The following TAS2R1 variants were observed in gnomAD, a reference collection of about 807,000 sequenced individuals.
The protein encoded by TAS2R1 is taste 2 receptor member 1.
For synonymous variants in TAS2R1, 141 were observed against 134.2 expected (o/e 1.05, Z -0.35); for missense variants, 370 against 353.4 (o/e 1.05, Z -0.38).
At chr5:9,711,762 T>C (rs1316104037) in intron 1 of TAS2R1, among the ~76,000 whole-genome samples, 1 of 152,064 alleles carries the variant, frequency 6.6e-6, no homozygotes, top group Admixed American at 6.6e-5. Context: ...TCCCAGGTTT[T>C]AGAGATTCTC....
the TAS2R1 span, among the ~76,000 whole-genome samples, chr5:9,780,904 C>T: frequency 1.3e-5 from 2 of 152,170 alleles, no homozygotes; most frequent in African/African-American, 4.8e-5. Context: ...TCCCAGAAAA[C>T]AATGAATTCT....
the TAS2R1 span, among the ~76,000 whole-genome samples, chr5:9,901,982 G>T: frequency 2.6e-5 from 4 of 152,038 alleles, no homozygotes; most frequent in Non-Finnish European, 4.4e-5. Flanking sequence ...TAGTGGACTC[G>T]CTGGACTGCA....
chr5:9,817,161 GGAA>G, the TAS2R1 span, among the ~76,000 whole-genome samples: 1 of 152,122 alleles, frequency 6.6e-6, no homozygotes, highest in South Asian at 2.1e-4. Context: ...ACAAGCCAAA[GGAA>G]CATGTCCGAT....
the TAS2R1 span, among the ~76,000 whole-genome samples, chr5:9,785,186 G>A: frequency 6.6e-6 from 1 of 152,104 alleles, no homozygotes; most frequent in African/African-American, 2.4e-5. Flanking sequence ...GCCATTTGTT[G>A]CTATGTGTAT....
At chr5:9,641,622 A>AC (rs1740087461) in intron 2 of TAS2R1, 1 of 152,140 alleles carries the variant, frequency 6.6e-6, no homozygotes, top group African/African-American at 2.4e-5. Context: ...TGGGGTGAAG[A>AC]CCCCCAAGGA....
At chr5:9,765,610 T>G in the TAS2R1 span, 3 of 152,162 alleles carry the variant, frequency 2.0e-5, no homozygotes, top group Non-Finnish European at 2.9e-5. Flanking sequence ...CACCACCATC[T>G]GGAAGATGCC....
intron 1 of TAS2R1, among the ~76,000 whole-genome samples, chr5:9,665,827 G>C (rs1310192131): frequency 6.6e-6 from 1 of 152,240 alleles, no homozygotes. Context: ...CATAAGGCAG[G>C]AGAGTAAAAG....
the TAS2R1 span, among the ~76,000 whole-genome samples, chr5:9,840,307 T>A: frequency 6.6e-6 from 1 of 152,214 alleles, no homozygotes; most frequent in Non-Finnish European, 1.5e-5. Context: ...CATCCAACCA[T>A]CGAGTTTACA....
chr5:9,694,659 C>T (rs182281521), intron 1 of TAS2R1, among the ~76,000 whole-genome samples: 20 of 152,130 alleles, frequency 1.3e-4, no homozygotes, highest in Non-Finnish European at 2.1e-4. Flanking sequence ...TTAAATCTAC[C>T]GTAACTCATG....
chr5:9,754,467 G>C, the TAS2R1 span, among the ~76,000 whole-genome samples: 21 of 152,322 alleles, frequency 1.4e-4, no homozygotes, highest in Non-Finnish European at 2.4e-4. Context: ...AATTGTCCCT[G>C]TTTGCAGACG....
the TAS2R1 span, among the ~76,000 whole-genome samples, chr5:9,817,437 C>G: frequency 6.6e-6 from 1 of 152,082 alleles, no homozygotes; most frequent in African/African-American, 2.4e-5. Context: ...AAGAACTGAT[C>G]TAGAAAAAAT....
the TAS2R1 span, among the ~76,000 whole-genome samples, chr5:9,874,832 A>G: frequency 6.6e-6 from 1 of 152,156 alleles, no homozygotes; most frequent in South Asian, 2.1e-4. Flanking sequence ...TGTAGACCAC[A>G]TGGTGACCTC....
chr5:9,633,294 T>A (rs1393678762), upstream of TAS2R1, among the ~76,000 whole-genome samples: 5 of 67,798 alleles, frequency 7.4e-5, no homozygotes, highest in African/African-American at 2.1e-4. Flanking sequence ...TGTGTGTATA[T>A]TATATATATA....
chr5:9,817,574 C>A, the TAS2R1 span, among the ~76,000 whole-genome samples: 1 of 152,040 alleles, frequency 6.6e-6, no homozygotes, highest in Non-Finnish European at 1.5e-5. Context: ...CTTGTAAATA[C>A]CCTAAAGATC....
At chr5:9,656,523 G>A (rs2126492278) in intron 2 of TAS2R1, among the ~76,000 whole-genome samples, 1 of 152,262 alleles carries the variant, frequency 6.6e-6, no homozygotes, top group Non-Finnish European at 1.5e-5. Context: ...CTTCCTCAAA[G>A]ACAAGCAGGG....
the TAS2R1 span, among the ~76,000 whole-genome samples, chr5:9,774,997 C>T: frequency 3.3e-5 from 5 of 152,208 alleles, no homozygotes; most frequent in Admixed American, 2.6e-4. Context: ...CAAGCTTAGG[C>T]TTCTGTCCTT....
At chr5:9,798,915 C>T in the TAS2R1 span, among the ~76,000 whole-genome samples, 2 of 152,176 alleles carry the variant, frequency 1.3e-5, no homozygotes, top group African/African-American at 4.8e-5. Context: ...CATCTTCCCA[C>T]ACAAACCCAG....
the TAS2R1 span, among the ~76,000 whole-genome samples, chr5:9,900,647 G>T: frequency 1.5e-5 from 2 of 130,304 alleles, no homozygotes; most frequent in Admixed American, 7.9e-5. Context: ...TTTAGACGGA[G>T]TCTGGCTCTG....
At chr5:9,699,601 T>C (rs1741435320) in intron 1 of TAS2R1, among the ~76,000 whole-genome samples, 1 of 152,118 alleles carries the variant, frequency 6.6e-6, no homozygotes, top group South Asian at 2.1e-4. Context: ...AAACACACTG[T>C]CCTTGTGGAC....
Sources: allele counts gnomAD v4.1 joint callset (sites outside exome capture counted in the v4.1 genomes callset), GRCh38; gene constraint gnomAD v4.1.1; transcripts MANE v1.5; gene names NCBI Gene and HGNC (gene_info 2026-07-23, HGNC 2026-07-21).